The following SLC38A4 variants were observed in gnomAD, a reference collection of about 807,000 sequenced individuals.
SLC38A4 encodes solute carrier family 38 member 4, also known as sodium-coupled neutral amino acid transporter 4.
In SLC38A4, 20 loss-of-function variants were observed where a neutral mutation model predicts 63.1. That is an observed-to-expected ratio of 0.32 (90% CI 0.22 to 0.46). SLC38A4 has a LOEUF of 0.46. SLC38A4 is among the 20% of genes least tolerant of loss of function. SLC38A4 has a pLI of 1.00. For missense variants in SLC38A4, 526 were observed against 663.6 expected, an observed-to-expected ratio of 0.79 and a Z score of 2.28; for synonymous variants, 230 against 225.5, an observed-to-expected ratio of 1.02 and a Z score of -0.18.
chr12:46,771,362 T>C (rs780165016), intron 14 of SLC38A4, among the ~76,000 whole-genome samples: 2 of 152,074 alleles, frequency 1.3e-5, no homozygotes, highest in Non-Finnish European at 2.9e-5. Flanking sequence ...TTTCAGAGAA[T>C]AGTCACAGTT....
At chr12:46,775,273 G>A in intron 13 of SLC38A4, 100 bp from the exon 14 acceptor site, 1 of 1,413,484 alleles carries the variant, frequency 7.1e-7, no homozygotes, top group Non-Finnish European at 9.4e-7. Context: ...CAGAGGAAAA[G>A]ACCTAGGCCT....
At chr12:46,832,105 C>G (rs1939739511) in intron 1 of SLC38A4, among the ~76,000 whole-genome samples, 1 of 152,082 alleles carries the variant, frequency 6.6e-6, no homozygotes. Flanking sequence ...ATAACCCACC[C>G]AAAGCGTGAA....
In SLC38A4 at chr12:46,791,305, G is replaced by T. The variant is rs540639590; in HGVS notation, c.119+1648C>A. ...ACATTTTCCATTGAAGCTCAAAGAG[G>T]ACAAACAGCTTCTCTAAAGTCAGGC... On this transcript the variant is annotated intron_variant, in intron 3 of 16. Transcript: ENST00000266579. 3.9e-5 allele frequency among the ~76,000 whole-genome samples: 6 copies of T among 152,266 alleles called. No homozygotes were observed. The East Asian group carries it at 5.8e-4, about 15-fold the overall frequency.
intron 1 of SLC38A4, among the ~76,000 whole-genome samples, chr12:46,804,264 G>C (rs951081864): frequency 6.6e-6 from 1 of 151,884 alleles, no homozygotes; most frequent in Non-Finnish European, 1.5e-5. Context: ...GCAGTGTGCT[G>C]AGTAGGCAAA....
At chr12:46,821,853 T>C (rs934315381) in intron 1 of SLC38A4, among the ~76,000 whole-genome samples, 2 of 152,154 alleles carry the variant, frequency 1.3e-5, no homozygotes, top group African/African-American at 2.4e-5. Flanking sequence ...TATTTTCTGC[T>C]TTAATTTCTT....
At position 46,778,536 on chromosome 12, in the gene SLC38A4, T is replaced by G. The variant is rs931191814; in HGVS notation, c.958A>C (p.Lys320Gln). 1 of 1,612,670 alleles carries G rather than the reference T, an allele frequency of 6.2e-7. No individual in the cohort carries two copies. Among genetic ancestry groups the G allele is most frequent in the African/African-American group, 1.3e-5 (1 of 74,842 alleles). The change falls in exon 11 of 17, where the codon AAG (lysine) becomes CAG (glutamine). Residue 320 changes from lysine (K) to glutamine (Q), a missense_variant. Lys to Gln is a moderately conservative substitution (Grantham distance 53, BLOSUM62 1). Transcript: ENST00000266579. ...AATACAAAGTATTTGGGTTCACACTTGTCATCACTATGAGCTTCATATTCT... is the reference window on the plus strand; with the variant it reads ...AATACAAAGTATTTGGGTTCACACTGGTCATCACTATGAGCTTCATATTCT... ...GVEYEAHSDD[K>Q]CEPKYFVFNS...
chr12:46,809,953 CTTTA>C (rs1327160429), intron 1 of SLC38A4, among the ~76,000 whole-genome samples: 2 of 151,954 alleles, frequency 1.3e-5, no homozygotes, highest in African/African-American at 4.8e-5. Flanking sequence ...GAATGAAAAT[CTTTA>C]TTTAAGGCAC....
chr12:46,808,474 A>C (rs1389205472), intron 1 of SLC38A4, among the ~76,000 whole-genome samples: 5 of 151,832 alleles, frequency 3.3e-5, no homozygotes. Flanking sequence ...CCACAGACCT[A>C]AATAGAAAAT....
chr12:46,768,190 C>T, intron 16 of SLC38A4, 120 bp downstream of exon 16: 1 of 657,604 alleles, frequency 1.5e-6, no homozygotes, highest in Non-Finnish European at 2.5e-6. Flanking sequence ...AGTTCTAGCC[C>T]AGTTTTGATT....
upstream of SLC38A4, among the ~76,000 whole-genome samples, chr12:46,827,185 T>C (rs4262792): frequency 0.12 from 18,759 of 152,252 alleles, 1,466 homozygotes; most frequent in East Asian, 0.27. Flanking sequence ...GGCTGGACTG[T>C]CTGGCATGAG....
chr12:46,791,290 T>C (rs978620640), intron 3 of SLC38A4, among the ~76,000 whole-genome samples: 22 of 152,206 alleles, frequency 1.4e-4, no homozygotes, highest in South Asian at 4.1e-4. Flanking sequence ...ACATTTTCCA[T>C]TGAAGCTCAA....
intron 1 of SLC38A4, chr12:46,824,235 A>G (rs944038333): frequency 2.0e-4 from 30 of 152,198 alleles, no homozygotes; most frequent in Admixed American, 2.0e-3. Flanking sequence ...AAGGTAAAGT[A>G]ACAGATTACT....
Position 46,776,800 on chromosome 12 carries a change from A to G in SLC38A4, c.1174+104T>C, listed in dbSNP as rs959969527. The G allele has an allele frequency of 4.5e-6, 4 of 886,856 alleles. No individual in the cohort carries two copies. In the East Asian group the frequency reaches 9.7e-5, roughly 22 times the overall value. 54.9% of individuals were successfully genotyped at this position (886,856 alleles called of 1,614,324 possible). On this transcript the variant is annotated intron_variant, in intron 13 of 16. Coordinates refer to ENST00000266579, the MANE Select transcript of SLC38A4 (RefSeq NM_018018.5). ...TATTAATTGAATATGTGTCATCTATAGAGCATGCTTATAGAAGGCAATTTT... is the reference window on the plus strand; with the variant it reads ...TATTAATTGAATATGTGTCATCTATGGAGCATGCTTATAGAAGGCAATTTT...
chr12:46,777,796 G>A (rs936971031), intron 12 of SLC38A4, among the ~76,000 whole-genome samples: 1 of 152,024 alleles, frequency 6.6e-6, no homozygotes, highest in African/African-American at 2.4e-5. Context: ...TTTCTAGCCA[G>A]TGACTCTATT....
At chr12:46,767,238 A>ATGTG (rs63298462) in intron 16 of SLC38A4, among the ~76,000 whole-genome samples, 83 of 150,940 alleles carry the variant, frequency 5.5e-4, no homozygotes, top group African/African-American at 2.0e-3. Context: ...AAGTGTATAT[A>ATGTG]TGTGTGTGTG....
chr12:46,824,292 G>T (rs1592199901), intron 1 of SLC38A4: 1 of 152,276 alleles, frequency 6.6e-6, no homozygotes, highest in Admixed American at 6.5e-5. Context: ...ATACCTTATT[G>T]TCTAAGTACA....
At chr12:46,829,324 T>C (rs1939699623), upstream of SLC38A4, among the ~76,000 whole-genome samples, 1 of 152,144 alleles carries the variant, frequency 6.6e-6, no homozygotes, top group Non-Finnish European at 1.5e-5. Flanking sequence ...TTTCAATTGA[T>C]AGGTGGAAGC....
At position 46,778,279 on chromosome 12, in the gene SLC38A4, G is replaced by A; in HGVS notation, c.1073+10C>T. On this transcript the variant is annotated intron_variant, in intron 12 of 16. Coordinates refer to ENST00000266579, the MANE Select transcript of SLC38A4 (RefSeq NM_018018.5). Reference sequence around the variant, plus strand: ...AGCAAATTAGAATGCTAAAATGATGGCTGCCTTACTCTTTAAGTTCACTGT... The same window carrying A: ...AGCAAATTAGAATGCTAAAATGATGACTGCCTTACTCTTTAAGTTCACTGT... The A allele has an allele frequency of 6.2e-7, 1 of 1,610,916 alleles. No homozygotes were observed. Among genetic ancestry groups the A allele is most frequent in the East Asian group, 2.2e-5 (1 of 44,806 alleles).
At chr12:46,795,668 T>A (rs1938987830) in intron 2 of SLC38A4, among the ~76,000 whole-genome samples, 1 of 152,158 alleles carries the variant, frequency 6.6e-6, no homozygotes, top group Non-Finnish European at 1.5e-5. Context: ...TTGCTTCATG[T>A]TGGAAAATTC....
Sources: allele counts gnomAD v4.1 joint callset (sites outside exome capture counted in the v4.1 genomes callset), GRCh38; gene constraint gnomAD v4.1.1; transcripts MANE v1.5; gene names NCBI Gene and HGNC (gene_info 2026-07-23, HGNC 2026-07-21).